STON1: variants seen among roughly 807,000 people sequenced by gnomAD.
STON1 encodes the protein stonin 1, also known as stonin-1.
A neutral mutation model predicts 60.9 loss-of-function variants in STON1; 79 were observed. That is an observed-to-expected ratio of 1.30 (90% CI 1.08 to 1.56). The LOEUF is 1.56. Among genes scored for constraint, STON1 ranks in the 40% most tolerant of loss-of-function variants. The pLI is 0.00. For missense variants in STON1, 1,166 were observed against 858.9 expected, an observed-to-expected ratio of 1.36 and a Z score of -4.47; for synonymous variants, 363 against 306.9, an observed-to-expected ratio of 1.18 and a Z score of -1.91.
At chr2:48,583,214 CA>C (rs1225735385) in intron 2 of STON1, among the ~76,000 whole-genome samples, 1 of 152,166 alleles carries the variant, frequency 6.6e-6, no homozygotes, top group Non-Finnish European at 1.5e-5. Flanking sequence ...TCAGCCTCCT[CA>C]GTACCTGGGA....
chr2:48,577,632 A>T (rs1482375808), intron 1 of STON1, among the ~76,000 whole-genome samples: 13 of 151,038 alleles, frequency 8.6e-5, no homozygotes. Flanking sequence ...TGTTTTTTGT[A>T]GGGGAGGAGA....
At chr2:48,540,114 C>T (rs1671597050) in intron 1 of STON1, among the ~76,000 whole-genome samples, 1 of 151,982 alleles carries the variant, frequency 6.6e-6, no homozygotes, top group African/African-American at 2.4e-5. Context: ...CTAACTTCCA[C>T]TTCCCTCTGT....
chr2:48,539,317 T>G (rs1048690279), intron 1 of STON1, among the ~76,000 whole-genome samples: 4 of 152,226 alleles, frequency 2.6e-5, no homozygotes, highest in Admixed American at 2.6e-4. Flanking sequence ...AGCTTGTTCT[T>G]ATCTATATTT....
At chr2:48,536,155 C>A (rs1671418572) in intron 1 of STON1, among the ~76,000 whole-genome samples, 1 of 152,012 alleles carries the variant, frequency 6.6e-6, no homozygotes, top group Non-Finnish European at 1.5e-5. Context: ...AGCTGTGTGA[C>A]CTTGGGCAAG....
chr2:48,557,222 G>A (rs1409705482), intron 1 of STON1, among the ~76,000 whole-genome samples: 1 of 72,794 alleles, frequency 1.4e-5, no homozygotes, highest in Non-Finnish European at 2.8e-5. Flanking sequence ...CTCAGACGGG[G>A]TGGTTGCCAG....
chr2:48,591,466 C>T (rs975713636), intron 2 of STON1, among the ~76,000 whole-genome samples, 187 bp from the exon 3 acceptor site: 2 of 152,006 alleles, frequency 1.3e-5, no homozygotes, highest in Non-Finnish European at 2.9e-5. Flanking sequence ...TTAAAAATGG[C>T]AGACAGCTTT....
intron 2 of STON1, among the ~76,000 whole-genome samples, chr2:48,587,246 C>G (rs570150764): frequency 6.6e-5 from 10 of 152,152 alleles, no homozygotes; most frequent in Admixed American, 6.5e-4. Flanking sequence ...CTGCATATGC[C>G]TTTGTCTTCC....
At chr2:48,587,224 T>C (rs1216545198) in intron 2 of STON1, among the ~76,000 whole-genome samples, 4 of 152,216 alleles carry the variant, frequency 2.6e-5, no homozygotes, top group Non-Finnish European at 5.9e-5. Context: ...GCAGAGATCA[T>C]TCCTCCCTGC....
intron 1 of STON1, among the ~76,000 whole-genome samples, chr2:48,575,428 T>C (rs1480994237): frequency 6.6e-6 from 1 of 151,676 alleles, no homozygotes; most frequent in Non-Finnish European, 1.5e-5. Context: ...CCGAGGAGGG[T>C]GGATCACCTG....
Position 48,580,794 on chromosome 2 carries a change from C to A in STON1, c.161C>A (p.Ser54Tyr), listed in dbSNP as rs1223441686. Residue 54 changes from serine (S) to tyrosine (Y), a missense_variant, in exon 2 of 4, where the codon TCT (serine) becomes TAT (tyrosine). Coordinates refer to ENST00000404752, the MANE Select transcript of STON1 (RefSeq NM_006873.4). Reference protein sequence around the residue: ...LPGLREFPSGSSSTSSTPLSS... With the variant: ...LPGLREFPSGYSSTSSTPLSS... The stretch of plus-strand genomic sequence containing the variant: ...GGCCTCAGGGAATTTCCCAGTGGAT[C>A]TTCCTCCACCAGCAGCACTCCTCTC... 1 of 1,555,268 alleles carries A rather than the reference C, an allele frequency of 6.4e-7. No homozygotes were observed. Among genetic ancestry groups the A allele is most frequent in the East Asian group, 2.3e-5 (1 of 43,078 alleles).
At chr2:48,586,599 G>A (rs374696471) in intron 2 of STON1, among the ~76,000 whole-genome samples, 1 of 152,158 alleles carries the variant, frequency 6.6e-6, no homozygotes, top group Non-Finnish European at 1.5e-5. Flanking sequence ...GTGTGTGGGT[G>A]GGGGATCTTA....
intron 1 of STON1, among the ~76,000 whole-genome samples, chr2:48,570,992 A>G (rs1673180949): frequency 6.6e-6 from 1 of 151,828 alleles, no homozygotes; most frequent in Admixed American, 6.6e-5. Flanking sequence ...CCTCCCGAGT[A>G]GCTGTGAGGA....
intron 2 of STON1, among the ~76,000 whole-genome samples, chr2:48,590,122 C>G (rs1572647838): frequency 6.6e-6 from 1 of 152,148 alleles, no homozygotes; most frequent in South Asian, 2.1e-4. Context: ...AGACAGAGGA[C>G]TAAAAAGAGT....
intron 1 of STON1, among the ~76,000 whole-genome samples, chr2:48,554,707 A>T (rs1327265636): frequency 1.4e-4 from 12 of 88,780 alleles, no homozygotes; most frequent in South Asian, 3.9e-4. Flanking sequence ...TAAGTGCAAA[A>T]TTTTTTTTTT....
At chr2:48,594,212 G>C (rs1674679369) in intron 3 of STON1, among the ~76,000 whole-genome samples, 1 of 152,090 alleles carries the variant, frequency 6.6e-6, no homozygotes, top group Non-Finnish European at 1.5e-5. Context: ...TTTATTTCTT[G>C]GGGAACCTGA....
Position 48,580,659 on chromosome 2 carries a change from G to T in STON1, c.26G>T (p.Trp9Leu), listed in dbSNP as rs748441352. 2.9e-6 allele frequency: 4 copies of T among 1,376,330 alleles called. No individual in the cohort carries two copies. The highest frequency in any genetic ancestry group is 2.7e-5 in the East Asian group (1 of 36,940). The allele number at this position is 1,376,330 out of a possible 1,614,324, so 85.3% of individuals were successfully genotyped here. The change falls in exon 2 of 4, where the codon TGG (tryptophan) becomes TTG (leucine). Residue 9 changes from tryptophan (W) to leucine (L), a missense_variant. Transcript: ENST00000404752. MCSTNPGKWVTFDDDPAVQ... is the reference protein window; with the variant it reads MCSTNPGKLVTFDDDPAVQ... ...ATGTGCTCCACAAATCCAGGCAAAT[G>T]GGTCACCTTTGATGATGATCCTGCT...
chr2:48,581,316 A>G lies in STON1; in HGVS notation c.683A>G (p.Tyr228Cys), dbSNP rs1035502049. The part of the protein sequence containing the change: ...QKSLNKCSLN[Y>C]ICEKLEHLQS... ...AGCCTAAATAAGTGTTCACTCAACT[A>G]TATCTGTGAGAAGCTTGAACATCTC... The change falls in exon 2 of 4, where the codon TAT (tyrosine) becomes TGT (cysteine). Residue 228 changes from tyrosine (Y) to cysteine (C), a missense_variant. Physicochemically the swap from Tyr to Cys is radical, Grantham distance 194 (BLOSUM62 -2). Transcript: ENST00000404752. The G allele has an allele frequency of 1.3e-5, 20 of 1,531,282 alleles. No individual in the cohort carries two copies. The highest frequency in any genetic ancestry group is 4.2e-5 in the African/African-American group (3 of 72,048). 94.9% of individuals were successfully genotyped at this position (1,531,282 alleles called of 1,614,324 possible).
chr2:48,548,483 CTTTCA>C (rs1185455318), intron 1 of STON1, among the ~76,000 whole-genome samples: 1 of 151,810 alleles, frequency 6.6e-6, no homozygotes, highest in Non-Finnish European at 1.5e-5. Context: ...TTCCTTTCTT[CTTTCA>C]TTTTTCTTTT....
rs1239105845 is a variant in STON1, at chr2:48,595,591, C to T, written c.*289C>T. 1 of 359,404 alleles carries T rather than the reference C, an allele frequency of 2.8e-6. No individual in the cohort carries two copies. The highest frequency in any genetic ancestry group is 5.1e-6 in the Non-Finnish European group (1 of 196,228). 22.3% of individuals were successfully genotyped at this position (359,404 alleles called of 1,614,324 possible). ...GTTACTCGTTGTGTGACCCCGCAGC[C>T]AGTATGATTTTTGATTACTCAGTGG... On this transcript the variant is annotated 3_prime_UTR_variant, in exon 4 of 4. Transcript: ENST00000404752.
Sources: gnomAD v4.1 joint callset for allele counts (sites outside exome capture counted in the v4.1 genomes callset) on GRCh38, gnomAD v4.1.1 for gene constraint, MANE v1.5 for transcripts, NCBI Gene and HGNC (gene_info 2026-07-23, HGNC 2026-07-21) for gene names.